MICAL2: variants seen among roughly 807,000 people sequenced by gnomAD.
MICAL2 encodes [F-actin]-monooxygenase MICAL2.
In MICAL2, 77 loss-of-function variants were observed where a neutral mutation model predicts 127.3. That is an observed-to-expected ratio of 0.60 (90% CI 0.50 to 0.73). The LOEUF (loss-of-function observed/expected upper bound fraction) is 0.73, where lower values mean the gene tolerates loss of function less well. MICAL2 is among the 30% of genes least tolerant of loss of function. The pLI, the probability that MICAL2 is intolerant of heterozygous loss-of-function variation, is 0.00. For synonymous variants in MICAL2, 570 were observed against 551.1 expected (o/e 1.03, Z -0.48); for missense variants, 1,351 against 1,434.4 (o/e 0.94, Z 0.94).
chr11:12,259,814 A>G lies in MICAL2; in HGVS notation c.3251A>G (p.Glu1084Gly). 2 of 1,557,636 alleles carry G rather than the reference A, an allele frequency of 1.3e-6. No homozygotes were observed. Among genetic ancestry groups the G allele is most frequent in the South Asian group, 1.2e-5 (1 of 82,802 alleles). ...TCTCAGGAGGAGGCAACATGGCAAG[A>G]GCAGGAAGCCCCTCGGAGAGACACT... is the stretch of plus-strand genomic sequence containing the variant. ...QQREEEATWQ[E>G]QEAPRRDTPT... Residue 1084 changes from glutamate to glycine, a missense_variant, in exon 26 of 28, where the codon GAG (glutamate) becomes GGG (glycine). Glu to Gly is a moderately conservative substitution (Grantham distance 98). This residue lies in a region of MICAL2 where 752 missense variants were observed against 719.4 expected (regional missense o/e 1.05). Transcript: ENST00000683283.
intron 2 of MICAL2, among the ~76,000 whole-genome samples, chr11:12,144,791 A>G (rs1350952475): frequency 6.6e-6 from 1 of 152,204 alleles, no homozygotes; most frequent in Non-Finnish European, 1.5e-5. Flanking sequence ...CAGTTAGTTC[A>G]GCAACTGAGT....
chr11:12,249,203 G>T lies in MICAL2; in HGVS notation c.2804G>T (p.Gly935Val), dbSNP rs553285474. ...CTAAAGGAAAAGAAGTCACCTTCAGGGTTCCATTTTCATCCCAGCCATTTG... is the reference window on the plus strand; with the variant it reads ...CTAAAGGAAAAGAAGTCACCTTCAGTGTTCCATTTTCATCCCAGCCATTTG... ...PARKEKKSPS[G>V]FHFHPSHLRT... Residue 935 changes from glycine (G) to valine (V), a missense_variant, in exon 22 of 28, where the codon GGG becomes GTG. Physicochemically the swap from Gly to Val is moderately radical, Grantham distance 109. This residue lies in a region of MICAL2 where 752 missense variants were observed against 719.4 expected (regional missense o/e 1.05). Coordinates refer to ENST00000683283, the MANE Select transcript of MICAL2 (RefSeq NM_001282663.2). 35 of 1,613,618 alleles carry T rather than the reference G, an allele frequency of 2.2e-5. No homozygotes were observed. The highest frequency in any genetic ancestry group is 4.5e-5 in the East Asian group (2 of 44,866).
chr11:12,360,817 C>T (rs556348773), downstream of MICAL2, among the ~76,000 whole-genome samples: 43 of 152,290 alleles, frequency 2.8e-4, no homozygotes, highest in South Asian at 1.0e-3. Context: ...CAAGTTAAAA[C>T]GTAAACTTCA....
chr11:12,259,889 G>GC lies in MICAL2; in HGVS notation c.3332dup (p.Val1112SerfsTer42). The GC allele has an allele frequency of 1.2e-6, 2 of 1,612,654 alleles. No homozygotes were observed. The highest frequency in any genetic ancestry group is 8.5e-7 in the Non-Finnish European group (1 of 1,179,092). On this transcript the variant is annotated frameshift_variant, in exon 26 of 28. Transcript: ENST00000683283. LOFTEE classifies it high-confidence loss of function. ...GCCGCCATTGGCACCCTGGAAGGCAGCCCCCCAGGTATCTCCACCTCCTTC... is the reference window on the plus strand; with the variant it reads ...GCCGCCATTGGCACCCTGGAAGGCAGCCCCCCCAGGTATCTCCACCTCCTTC...
chr11:12,113,042 G>A (rs1369907053), intron 1 of MICAL2, among the ~76,000 whole-genome samples: 3 of 152,096 alleles, frequency 2.0e-5, no homozygotes, highest in East Asian at 1.9e-4. Flanking sequence ...AGGACGGGAC[G>A]TGGTAAGGGT....
At chr11:12,325,996 G>A (rs968364651) in intron 31 of MICAL2, among the ~76,000 whole-genome samples, 1 of 152,184 alleles carries the variant, frequency 6.6e-6, no homozygotes, top group Non-Finnish European at 1.5e-5. Flanking sequence ...GTTTTAAGTA[G>A]ACTTTCCATC....
Position 12,110,779 on chromosome 11 carries a change from TG to T in MICAL2, c.-149+57del, listed in dbSNP as rs1419048851. 4.4e-4 allele frequency: 66 copies of T among 151,364 alleles called. No homozygotes were observed. The highest frequency in any genetic ancestry group is 1.5e-3 in the African/African-American group (62 of 41,296). 9.4% of individuals were successfully genotyped at this position (151,364 alleles called of 1,614,324 possible). ...GGTGGGGAGGGCGGGCGGGCGCGGG[TG>T]GGGACCGTGCCAGCCTCGGCTGGAC... On this transcript the variant is annotated intron_variant, in intron 1 of 27. Coordinates refer to ENST00000683283, the MANE Select transcript of MICAL2 (RefSeq NM_001282663.2). The surrounding 1 kb of genome is among the most constrained non-coding windows in gnomAD (Gnocchi z 4.5).
At position 12,286,971 on chromosome 11, in the gene MICAL2, C is replaced by A. The variant is rs538633082; in HGVS notation, c.255-116C>A. 1.0e-5 allele frequency: 4 copies of A among 396,576 alleles called. No individual in the cohort carries two copies. In the South Asian group the frequency reaches 5.5e-4, roughly 54 times the overall value. 24.6% of individuals were successfully genotyped at this position (396,576 alleles called of 1,614,324 possible). The stretch of plus-strand genomic sequence containing the variant: ...AGGAGAGAGTTCAGTCTATTATAAT[C>A]ATTAGTCTATTGACTTGTGGTAATT... On this transcript the variant is annotated intron_variant, in intron 2 of 2. Transcript: ENST00000529028.
At chr11:12,350,203 C>T (rs1939023083) in intron 33 of MICAL2, among the ~76,000 whole-genome samples, 1 of 152,146 alleles carries the variant, frequency 6.6e-6, no homozygotes, top group African/African-American at 2.4e-5. Flanking sequence ...TTGGATAAGG[C>T]ATTTTCAATC....
chr11:12,300,316 C>G (rs1402540439), intron 29 of MICAL2, among the ~76,000 whole-genome samples: 1 of 152,076 alleles, frequency 6.6e-6, no homozygotes, highest in African/African-American at 2.4e-5. Flanking sequence ...ATCTAGTCCT[C>G]TGGAATACGG....
At chr11:12,342,886 G>A (rs1341161406) in intron 32 of MICAL2, among the ~76,000 whole-genome samples, 2 of 152,212 alleles carry the variant, frequency 1.3e-5, no homozygotes, top group African/African-American at 2.4e-5. Flanking sequence ...GGGCAATGCT[G>A]CCTTCGTCAG....
intron 1 of MICAL2, among the ~76,000 whole-genome samples, chr11:12,115,711 C>A (rs1849956567): frequency 6.6e-6 from 1 of 151,974 alleles, no homozygotes; most frequent in South Asian, 2.1e-4. Context: ...TTATCTTTTG[C>A]TTTTTAGTAC....
At chr11:12,118,268 C>T (rs7932017) in intron 1 of MICAL2, among the ~76,000 whole-genome samples, 24,956 of 152,124 alleles carry the variant, frequency 0.16, 2,342 homozygotes, top group African/African-American at 0.23. Flanking sequence ...CATAGATGCA[C>T]GGTAAGATAT....
chr11:12,248,544 G>A (rs574905413), intron 21 of MICAL2, among the ~76,000 whole-genome samples: 1 of 152,378 alleles, frequency 6.6e-6, no homozygotes, highest in Non-Finnish European at 1.5e-5. Context: ...TGGGCAAGTG[G>A]GAGGGGTGGG....
intron 7 of MICAL2, 52 bp downstream of exon 7, chr11:12,213,462 TC>T: frequency 1.3e-6 from 2 of 1,584,916 alleles, no homozygotes; most frequent in Non-Finnish European, 8.6e-7. Flanking sequence ...GTTTGCAGTT[TC>T]TAAAGTGTGC....
At chr11:12,245,305 C>A (rs575960783) in intron 21 of MICAL2, among the ~76,000 whole-genome samples, 221 of 152,292 alleles carry the variant, frequency 1.5e-3, no homozygotes, top group African/African-American at 5.0e-3. Context: ...CTGCACGTGC[C>A]GCTGCCAGAA....
At chr11:12,116,317 A>G (rs1289647945) in intron 1 of MICAL2, among the ~76,000 whole-genome samples, 1 of 149,134 alleles carries the variant, frequency 6.7e-6, no homozygotes, top group Non-Finnish European at 1.5e-5. Context: ...TATCCCTCAA[A>G]TGAAATTTTT....
chr11:12,207,868 C>A (rs1330993902), intron 4 of MICAL2, 155 bp from the exon 5 acceptor site: 21 of 634,518 alleles, frequency 3.3e-5, no homozygotes, highest in Non-Finnish European at 6.0e-5. Flanking sequence ...TGAGAAAACA[C>A]AGAGCTCTTG....
At chr11:12,212,359 C>A (rs768260631) in intron 6 of MICAL2, among the ~76,000 whole-genome samples, 13 of 152,088 alleles carry the variant, frequency 8.5e-5, no homozygotes, top group Non-Finnish European at 1.8e-4. Flanking sequence ...TGCATATTGT[C>A]CCAGCTACTT....
Sources: allele counts gnomAD v4.1 joint callset (sites outside exome capture counted in the v4.1 genomes callset), GRCh38; gene constraint gnomAD v4.1.1; regional missense constraint gnomAD v4.1.1; non-coding constraint Gnocchi (gnomAD v3.1); transcripts MANE v1.5; gene names NCBI Gene and HGNC (gene_info 2026-07-23, HGNC 2026-07-21).